Variants in TMEM209 observed in about 807,000 individuals in gnomAD.
TMEM209 encodes transmembrane protein 209.
A neutral mutation model predicts 76.2 loss-of-function variants in TMEM209; 65 were observed. The ratio of observed to expected loss-of-function variants is 0.85; its 90% CI spans 0.70 to 1.05. TMEM209 has a LOEUF of 1.05. TMEM209 is among the 50% of genes least tolerant of loss of function. The pLI, the probability that TMEM209 is intolerant of heterozygous loss-of-function variation, is 0.00. For missense variants in TMEM209, 623 were observed against 685.5 expected (o/e 0.91, Z 1.02); for synonymous variants, 239 against 237.6 (o/e 1.01, Z -0.06).
At position 130,189,094 on chromosome 7, in the gene TMEM209, A is replaced by C. The variant is rs1278486895; in HGVS notation, c.775+3528T>G. ...CCTGATTGGATCCTGCATCAATAAA[A>C]GAAAAAAAAAGCACTACAAGGGTCA... On this transcript the variant is annotated intron_variant, in intron 6 of 14. Transcript: ENST00000397622. 3.3e-5 allele frequency among the ~76,000 whole-genome samples: 5 copies of C among 152,194 alleles called. No homozygotes were observed. The East Asian group carries it at 9.6e-4, about 29-fold the overall frequency.
intron 11 of TMEM209, 163 bp downstream of exon 11, chr7:130,175,349 T>C: frequency 1.7e-6 from 1 of 573,740 alleles, no homozygotes; most frequent in Non-Finnish European, 2.9e-6. Flanking sequence ...TAGTCCCAGC[T>C]ACTTGGGAGG....
At chr7:130,199,586 C>T (rs1798116362) in intron 5 of TMEM209, among the ~76,000 whole-genome samples, 1 of 151,978 alleles carries the variant, frequency 6.6e-6, no homozygotes, top group Non-Finnish European at 1.5e-5. Context: ...AGAAAGATTA[C>T]TAAGGTAAAA....
rs547529333 is a variant in TMEM209 at position 130,176,747 on chromosome 7, G to A, written c.1247-1138C>T. Among the ~76,000 whole-genome samples the A allele has an allele frequency of 3.9e-5, 6 of 152,192 alleles. No homozygotes were observed. The South Asian group carries it at 1.2e-3, about 32-fold the overall frequency. ...TTAAAATAAACTGAAATAACCAATT[G>A]CAATGTATTACAATATTTGAATCCC... On this transcript the variant is annotated intron_variant, in intron 10 of 14. Coordinates refer to ENST00000397622, the MANE Select transcript of TMEM209 (RefSeq NM_032842.4).
In TMEM209 at chr7:130,192,749, T is replaced by C; in HGVS notation, c.648A>G (p.Arg216=). 6.2e-7 allele frequency: 1 copy of C among 1,613,950 alleles called. No homozygotes were observed. Among genetic ancestry groups the C allele is most frequent in the Non-Finnish European group, 8.5e-7 (1 of 1,179,842 alleles). ...CGGTAGGTGAAGAACGGTAGCGAGA[T>C]CTCAATCCACTGCTCTCCACTGGTC... The part of the protein sequence containing the change: ...TVGPVESSGL[R]SRYRSSPTVY... Residue 216 remains arginine, a synonymous_variant, in exon 6 of 15, where the codon AGA becomes AGG. Transcript: ENST00000397622.
rs538358164 is a variant in TMEM209 at position 130,182,550 on chromosome 7, T to A, written c.1024-831A>T. On this transcript the variant is annotated intron_variant, in intron 8 of 14. Coordinates refer to ENST00000397622, the MANE Select transcript of TMEM209 (RefSeq NM_032842.4). ...ACATTTGAAACTGGCTTTTGAATAT[T>A]ACAATATTACTTTAGGACTGGGACT... Among the ~76,000 whole-genome samples, 8 of 152,326 alleles carry A rather than the reference T, an allele frequency of 5.3e-5. No homozygotes were observed. In the South Asian group the frequency reaches 1.7e-3, roughly 32 times the overall value.
In TMEM209 at chr7:130,178,311, T is replaced by C. The variant is rs1047041897; in HGVS notation, c.1246+91A>G. ...GTATTTATAAGACATGTTATACTTT[T>C]AATTAAAAGTTTTTCCTTGTTAATC... On this transcript the variant is annotated intron_variant, in intron 10 of 14. Transcript: ENST00000397622. 5 of 1,286,932 alleles carry C rather than the reference T, an allele frequency of 3.9e-6. No individual in the cohort carries two copies. In the African/African-American group the frequency reaches 6.0e-5, roughly 16 times the overall value. The allele number at this position is 1,286,932 out of a possible 1,614,324, so 79.7% of individuals were successfully genotyped here.
chr7:130,184,902 G>A (rs938567490), intron 7 of TMEM209, among the ~76,000 whole-genome samples: 1 of 152,226 alleles, frequency 6.6e-6, no homozygotes, highest in Non-Finnish European at 1.5e-5. Flanking sequence ...ACTTCTGTAT[G>A]TGTTAAGTAC....
At position 130,184,180 on chromosome 7, in the gene TMEM209, T is replaced by G; in HGVS notation, c.1023+4A>C. On this transcript the variant is annotated splice_donor_region_variant and intron_variant, in intron 8 of 14. Coordinates refer to ENST00000397622, the MANE Select transcript of TMEM209 (RefSeq NM_032842.4). ...ATTGTCCAAAGAGTAATGTCAGAAC[T>G]TACATTTCTAAATTTAGCTGTCCAT... 1 of 1,598,430 alleles carries G rather than the reference T, an allele frequency of 6.3e-7. No homozygotes were observed. Among genetic ancestry groups the G allele is most frequent in the South Asian group, 1.1e-5 (1 of 87,980 alleles).
intron 7 of TMEM209, 75 bp downstream of exon 7, chr7:130,185,117 A>C (rs1234143414): frequency 2.0e-6 from 3 of 1,470,168 alleles, no homozygotes; most frequent in Non-Finnish European, 2.7e-6. Flanking sequence ...ATTACAGAAA[A>C]AATGTTCCAG....
At chr7:130,202,462 G>C (rs1220723087) in intron 4 of TMEM209, 70 bp downstream of exon 4, 2 of 1,536,724 alleles carry the variant, frequency 1.3e-6, no homozygotes, top group African/African-American at 2.8e-5. Flanking sequence ...CTACGAAATG[G>C]GAAAATTAAA....
intron 13 of TMEM209, among the ~76,000 whole-genome samples, chr7:130,172,908 A>C (rs186064672): frequency 0.022 from 3,303 of 149,296 alleles, 117 homozygotes; most frequent in African/African-American, 0.077. Flanking sequence ...CTGAGGCAGG[A>C]GAATTGCTGG....
At chr7:130,189,639 G>T (rs1408322959) in intron 6 of TMEM209, among the ~76,000 whole-genome samples, 1 of 152,194 alleles carries the variant, frequency 6.6e-6, no homozygotes, top group African/African-American at 2.4e-5. Flanking sequence ...TGAGGGCCTG[G>T]TTTTTCACTA....
intron 14 of TMEM209, among the ~76,000 whole-genome samples, chr7:130,168,445 G>C (rs1262972820): frequency 6.6e-6 from 1 of 152,002 alleles, no homozygotes; most frequent in Non-Finnish European, 1.5e-5. Flanking sequence ...AAGCATTTCA[G>C]ATAAAGAATA....
chr7:130,185,977 C>T (rs1352993753), intron 6 of TMEM209, among the ~76,000 whole-genome samples: 1 of 152,124 alleles, frequency 6.6e-6, no homozygotes, highest in East Asian at 1.9e-4. Context: ...GCCTCTGAAC[C>T]AGGATATTAA....
chr7:130,173,306 C>T (rs1010471797), intron 13 of TMEM209, among the ~76,000 whole-genome samples: 10 of 152,238 alleles, frequency 6.6e-5, no homozygotes, highest in Admixed American at 2.0e-4. Context: ...CATGCCACTA[C>T]ACTCCAGCCT....
chr7:130,188,727 AT>A (rs1156842533), intron 6 of TMEM209, among the ~76,000 whole-genome samples: 4 of 152,162 alleles, frequency 2.6e-5, no homozygotes, highest in Non-Finnish European at 5.9e-5. Context: ...TAAAGGGAAA[AT>A]CATGAAGAAA....
Position 130,173,886 on chromosome 7 carries a change from CGGATGTGGAGGTAATCT to C in TMEM209, c.1381_1397del (p.Arg461GlufsTer19), listed in dbSNP as rs1554372172. The C allele has an allele frequency of 1.2e-6, 2 of 1,613,696 alleles. No homozygotes were observed. Among genetic ancestry groups the C allele is most frequent in the Non-Finnish European group, 1.7e-6 (2 of 1,179,818 alleles). On this transcript the variant is annotated frameshift_variant, in exon 12 of 15. Coordinates refer to ENST00000397622, the MANE Select transcript of TMEM209 (RefSeq NM_032842.4). LOFTEE classifies it high-confidence loss of function. ...TAAAAGTTTTTCCGTCGGGATACTT[CGGATGTGGAGGTAATCT>C]GGAATCAAGGTAGGTGCAAAATACA...
chr7:130,194,864 A>G (rs900059895), intron 5 of TMEM209, among the ~76,000 whole-genome samples: 2 of 152,158 alleles, frequency 1.3e-5, no homozygotes. Context: ...ACTTCGTATT[A>G]GTTTGCAATA....
chr7:130,193,940 T>C (rs1410745087), intron 5 of TMEM209, among the ~76,000 whole-genome samples: 2 of 150,028 alleles, frequency 1.3e-5, no homozygotes, highest in African/African-American at 4.9e-5. Context: ...GACTCACGCT[T>C]GTAGTCCCAG....
Sources: allele counts gnomAD v4.1 joint callset (sites outside exome capture counted in the v4.1 genomes callset), GRCh38; gene constraint gnomAD v4.1.1; transcripts MANE v1.5; gene names NCBI Gene and HGNC (gene_info 2026-07-23, HGNC 2026-07-21).